Variants in NR3C1 observed in about 807,000 individuals in gnomAD.
The protein encoded by NR3C1 is glucocorticoid receptor.
In NR3C1, 14 loss-of-function variants were observed where a neutral mutation model predicts 74.0. The observed-to-expected ratio is 0.19, with a 90% CI of 0.12 to 0.30. The LOEUF (loss-of-function observed/expected upper bound fraction) is 0.30, where lower values mean the gene tolerates loss of function less well. Ranked by LOEUF, NR3C1 falls within the 10% of genes least tolerant of loss-of-function variation. The pLI is 1.00. For synonymous variants in NR3C1, 308 were observed against 332.5 expected, an observed-to-expected ratio of 0.93 and a Z score of 0.80; for missense variants, 695 against 909.8, an observed-to-expected ratio of 0.76 and a Z score of 3.04.
intron 2 of NR3C1, among the ~76,000 whole-genome samples, chr5:143,325,930 T>G (rs955208674): frequency 6.6e-6 from 1 of 152,178 alleles, no homozygotes; most frequent in African/African-American, 2.4e-5. Flanking sequence ...GATAAAAAAT[T>G]TAAGACTGAA....
In NR3C1 at chr5:143,396,341, T is replaced by C. The variant is rs147187899; in HGVS notation, c.1184+3315A>G. On this transcript the variant is annotated intron_variant, in intron 2 of 8. Transcript: ENST00000394464. ...ATTTAAAAAGAAATCTCCTTTAACA[T>C]TCAGAAATCACTTTACATAAATGAG... Among the ~76,000 whole-genome samples, 131 of 151,830 alleles carry C rather than the reference T, an allele frequency of 8.6e-4. 1 individual carries two copies. Among genetic ancestry groups the C allele is most frequent in the African/African-American group, 2.9e-3 (120 of 41,500 alleles).
intron 4 of NR3C1, among the ~76,000 whole-genome samples, chr5:143,308,415 G>A (rs1360176937): frequency 6.6e-6 from 1 of 152,188 alleles, no homozygotes; most frequent in Non-Finnish European, 1.5e-5. Context: ...AGTGAGCCAT[G>A]TTCATGTCAC....
At chr5:143,403,837 C>G (rs1302614541), upstream of NR3C1, 4 of 969,034 alleles carry the variant, frequency 4.1e-6, no homozygotes, top group African/African-American at 7.1e-5. Context: ...TGCCCCCACG[C>G]CCTCCGCGCG....
At chr5:143,347,877 A>T (rs1340810681) in intron 2 of NR3C1, among the ~76,000 whole-genome samples, 1 of 152,212 alleles carries the variant, frequency 6.6e-6, no homozygotes, top group Non-Finnish European at 1.5e-5. Flanking sequence ...AGCTCTCCAC[A>T]TTCTGTGCCC....
intron 7 of NR3C1, among the ~76,000 whole-genome samples, chr5:143,291,137 A>C (rs1029821713): frequency 1.3e-5 from 2 of 152,094 alleles, no homozygotes; most frequent in Non-Finnish European, 2.9e-5. Flanking sequence ...TACTGTTGTT[A>C]TTTTATATAC....
chr5:143,394,846 T>C (rs1171454064), intron 2 of NR3C1, among the ~76,000 whole-genome samples: 3 of 152,074 alleles, frequency 2.0e-5, no homozygotes, highest in South Asian at 2.1e-4. Flanking sequence ...ATCCAAACTG[T>C]TAGTTTTCAG....
chr5:143,418,788 G>A lies in NR3C1; in HGVS notation c.-14+15744C>T, dbSNP rs568854321. Among the ~76,000 whole-genome samples the A allele has an allele frequency of 3.0e-4, 46 of 152,282 alleles. No individual in the cohort carries two copies. In the South Asian group the frequency reaches 8.9e-3, roughly 29 times the overall value. On this transcript the variant is annotated intron_variant, in intron 1 of 8. Transcript: ENST00000343796. ...ACAGATTATGCTGAAAGGAAGAATA[G>A]TGTTAACAGAACTGGCTTGGACGAG...
At chr5:143,286,230 C>T (rs1244345206) in intron 7 of NR3C1, among the ~76,000 whole-genome samples, 1 of 152,086 alleles carries the variant, frequency 6.6e-6, no homozygotes, top group African/African-American at 2.4e-5. Flanking sequence ...ACAAAAAAGG[C>T]TCCAAACAAA....
At chr5:143,353,477 C>T (rs561769117) in intron 2 of NR3C1, among the ~76,000 whole-genome samples, 1 of 152,100 alleles carries the variant, frequency 6.6e-6, no homozygotes, top group African/African-American at 2.4e-5. Context: ...ACAAAATGTA[C>T]TGATTTGAAA....
intron 2 of NR3C1, among the ~76,000 whole-genome samples, chr5:143,337,061 G>A (rs1827290669): frequency 1.3e-5 from 2 of 151,762 alleles, no homozygotes; most frequent in African/African-American, 4.8e-5. Context: ...CTCCTTAAAA[G>A]CACCATCAAG....
At position 143,336,568 on chromosome 5, in the gene NR3C1, C is replaced by A. The variant is rs575441735; in HGVS notation, c.1185-22400G>T. The stretch of plus-strand genomic sequence containing the variant: ...GGGTTCAAAATCAGGAAGACTGGTT[C>A]AAAGTCTGTTTAAGAACATTTACAG... On this transcript the variant is annotated intron_variant, in intron 2 of 8. Coordinates refer to ENST00000394464, the MANE Select transcript of NR3C1 (RefSeq NM_000176.3). 1.1e-4 allele frequency among the ~76,000 whole-genome samples: 16 copies of A among 152,274 alleles called. No homozygotes were observed. In the South Asian group the frequency reaches 3.3e-3, roughly 32 times the overall value.
intron 7 of NR3C1, among the ~76,000 whole-genome samples, chr5:143,286,932 A>G (rs1814630798): frequency 6.6e-6 from 1 of 152,100 alleles, no homozygotes; most frequent in African/African-American, 2.4e-5. Flanking sequence ...CCTCAGTGGA[A>G]TTAAATTAGA....
intron 2 of NR3C1, among the ~76,000 whole-genome samples, chr5:143,368,570 G>A (rs1036740923): frequency 4.4e-5 from 6 of 137,064 alleles, no homozygotes; most frequent in Non-Finnish European, 6.5e-5. Context: ...CACACACACC[G>A]ACAACTCAAC....
At chr5:143,301,522 A>ATAAAT (rs1305061) in intron 4 of NR3C1, among the ~76,000 whole-genome samples, 31,382 of 151,818 alleles carry the variant, frequency 0.21, 3,721 homozygotes, top group East Asian at 0.34. Context: ...CATATTATAT[A>ATAAAT]TAAATTATCT....
chr5:143,402,869 G>C (rs925037256), intron 1 of NR3C1: 2 of 972,960 alleles, frequency 2.1e-6, no homozygotes, highest in Non-Finnish European at 2.4e-6. Context: ...CCCTTGGAGG[G>C]AAAGGGGACA....
intron 2 of NR3C1, among the ~76,000 whole-genome samples, chr5:143,316,673 A>G (rs975736360): frequency 6.6e-6 from 1 of 152,160 alleles, no homozygotes; most frequent in Non-Finnish European, 1.5e-5. Context: ...GAGTTTCCTC[A>G]TCAGTAAACT....
intron 2 of NR3C1, among the ~76,000 whole-genome samples, chr5:143,381,867 C>G (rs1836310322): frequency 6.6e-6 from 1 of 152,098 alleles, no homozygotes; most frequent in South Asian, 2.1e-4. Flanking sequence ...CTGGTATGGG[C>G]AAAGATTTCT....
At chr5:143,302,272 T>G (rs1818658681) in intron 4 of NR3C1, among the ~76,000 whole-genome samples, 1 of 152,148 alleles carries the variant, frequency 6.6e-6, no homozygotes, top group Non-Finnish European at 1.5e-5. Context: ...ACAACTATCA[T>G]TACCTCAACT....
chr5:143,340,961 T>C (rs1185806113), intron 2 of NR3C1, among the ~76,000 whole-genome samples: 1 of 152,148 alleles, frequency 6.6e-6, no homozygotes, highest in Non-Finnish European at 1.5e-5. Context: ...GTATCTTTTC[T>C]GCTCCTCTCC....
Sources: gnomAD v4.1 joint callset for allele counts (sites outside exome capture counted in the v4.1 genomes callset) on GRCh38, gnomAD v4.1.1 for gene constraint, MANE v1.5 for transcripts, NCBI Gene and HGNC (gene_info 2026-07-23, HGNC 2026-07-21) for gene names.